ARHGEF26: variants seen among roughly 807,000 people sequenced by gnomAD.
The protein encoded by ARHGEF26 is Rho guanine nucleotide exchange factor (GEF) 26.
Under a neutral mutation model 89.4 loss-of-function variants are expected in ARHGEF26, and 59 were observed. The ratio of observed to expected loss-of-function variants is 0.66; its 90% confidence interval spans 0.54 to 0.82. ARHGEF26 has a LOEUF of 0.82. Among genes scored for constraint, ARHGEF26 ranks in the 40% least tolerant of loss-of-function variants. The pLI is 0.00. For missense variants in ARHGEF26, 1,234 were observed against 1,085.6 expected (o/e 1.14, Z -1.92); for synonymous variants, 500 against 428.4 (o/e 1.17, Z -2.06).
intron 3 of ARHGEF26, among the ~76,000 whole-genome samples, chr3:154,124,749 T>C (rs1718225576): frequency 6.6e-6 from 1 of 152,226 alleles, no homozygotes; most frequent in Non-Finnish European, 1.5e-5. Context: ...GAGCAAGATC[T>C]AGCTTTTTAG....
chr3:154,238,373 T>G (rs1010088208), intron 11 of ARHGEF26, among the ~76,000 whole-genome samples: 3 of 152,182 alleles, frequency 2.0e-5, no homozygotes, highest in Admixed American at 2.0e-4. Flanking sequence ...TTAGGCTTGA[T>G]CAGAAGGCAA....
chr3:154,252,446 A>G (rs1718215507), intron 12 of ARHGEF26, among the ~76,000 whole-genome samples: 1 of 152,204 alleles, frequency 6.6e-6, no homozygotes, highest in Non-Finnish European at 1.5e-5. Context: ...TGCATTATGT[A>G]GAGAAGTGCT....
chr3:154,250,318 C>T (rs918498975), intron 12 of ARHGEF26, among the ~76,000 whole-genome samples: 7 of 152,136 alleles, frequency 4.6e-5, no homozygotes, highest in Admixed American at 6.5e-5. Context: ...TGAGCCGCCC[C>T]GCCCGGCCTC....
intron 12 of ARHGEF26, among the ~76,000 whole-genome samples, chr3:154,252,750 A>T (rs1379091987): frequency 1.3e-5 from 2 of 152,208 alleles, no homozygotes; most frequent in East Asian, 1.9e-4. Context: ...TAGGATTTTT[A>T]AAAAATGAAA....
intron 9 of ARHGEF26, among the ~76,000 whole-genome samples, chr3:154,212,741 G>A (rs988158664): frequency 2.6e-5 from 4 of 152,078 alleles, no homozygotes; most frequent in African/African-American, 7.2e-5. Flanking sequence ...ACTCCTATGA[G>A]AATCCAGTGC....
intron 4 of ARHGEF26, among the ~76,000 whole-genome samples, chr3:154,130,587 C>G (rs1718628782): frequency 6.6e-6 from 1 of 152,202 alleles, no homozygotes; most frequent in Non-Finnish European, 1.5e-5. Context: ...CTCCTCTCTG[C>G]ATCAGACACC....
chr3:154,172,325 G>A (rs909729872), intron 6 of ARHGEF26, among the ~76,000 whole-genome samples: 14 of 152,198 alleles, frequency 9.2e-5, no homozygotes, highest in African/African-American at 3.4e-4. Context: ...TGTGGAATGT[G>A]GATGAGTCTT....
At chr3:154,255,218 C>T (rs1718421948) in intron 14 of ARHGEF26, 113 bp from the exon 15 acceptor site, 1 of 1,117,118 alleles carries the variant, frequency 9.0e-7, no homozygotes, top group African/African-American at 1.6e-5. Context: ...TTTCTCTTCT[C>T]ACCGTAGCAC....
rs756185996 is a variant in ARHGEF26, at chr3:154,257,045, A to T, written c.*1572A>T. ...ATTGGAGGACTCAAATCTGTATGTG[A>T]CATGTCCCAACTACTGTCCGCTAAC... On this transcript the variant is annotated 3_prime_UTR_variant, in exon 15 of 15. Transcript: ENST00000465093. The T allele has an allele frequency of 1.3e-5, 18 of 1,423,368 alleles. No individual in the cohort carries two copies. The highest frequency in any genetic ancestry group is 1.5e-5 in the Non-Finnish European group (16 of 1,090,136). 88.2% of individuals were successfully genotyped at this position (1,423,368 alleles called of 1,614,324 possible). A position where few individuals can be genotyped will look rare whatever the true frequency, so the allele number is the denominator to read the frequency against.
intron 4 of ARHGEF26, among the ~76,000 whole-genome samples, chr3:154,144,356 G>C (rs1377425332): frequency 6.6e-6 from 1 of 152,148 alleles, no homozygotes; most frequent in Non-Finnish European, 1.5e-5. Context: ...CTTCCTCACA[G>C]AATTGTTACA....
chr3:154,141,699 T>C (rs1719395976), intron 4 of ARHGEF26, among the ~76,000 whole-genome samples: 1 of 152,240 alleles, frequency 6.6e-6, no homozygotes, highest in Non-Finnish European at 1.5e-5. Flanking sequence ...TGAATGTGTA[T>C]GTTTGCACAT....
intron 4 of ARHGEF26, among the ~76,000 whole-genome samples, chr3:154,148,952 T>A (rs1719845375): frequency 6.6e-6 from 1 of 152,154 alleles, no homozygotes; most frequent in Non-Finnish European, 1.5e-5. Flanking sequence ...AGCCCAACCC[T>A]TAGAAATGGG....
intron 4 of ARHGEF26, among the ~76,000 whole-genome samples, chr3:154,136,519 T>G (rs1028572232): frequency 8.5e-5 from 13 of 152,146 alleles, no homozygotes; most frequent in Non-Finnish European, 1.3e-4. Flanking sequence ...ATCATTTCAT[T>G]CCATTGAAAA....
At chr3:154,121,647 T>A (rs1379423013) in intron 1 of ARHGEF26, 128 bp downstream of exon 1, 1 of 272,364 alleles carries the variant, frequency 3.7e-6, no homozygotes, top group Non-Finnish European at 6.9e-6. Flanking sequence ...GTCCCAAGTT[T>A]CTTGTGCCTC....
chr3:154,170,376 G>T (rs1712349673), intron 6 of ARHGEF26, among the ~76,000 whole-genome samples: 1 of 151,904 alleles, frequency 6.6e-6, no homozygotes, highest in Admixed American at 6.6e-5. Context: ...AAAAAGAAAA[G>T]AAAAGAAAAA....
chr3:154,169,442 C>T (rs981529538), intron 6 of ARHGEF26, among the ~76,000 whole-genome samples: 1 of 151,760 alleles, frequency 6.6e-6, no homozygotes, highest in East Asian at 1.9e-4. Context: ...TCTGCCTTTT[C>T]TTATACTATA....
chr3:154,134,616 A>G (rs771611537), intron 4 of ARHGEF26, among the ~76,000 whole-genome samples: 3 of 152,148 alleles, frequency 2.0e-5, no homozygotes, highest in African/African-American at 4.8e-5. Flanking sequence ...AACTATATTG[A>G]ATAGGAGTGG....
chr3:154,168,285 A>G (rs1712180120), intron 6 of ARHGEF26, among the ~76,000 whole-genome samples: 1 of 152,150 alleles, frequency 6.6e-6, no homozygotes, highest in Non-Finnish European at 1.5e-5. Flanking sequence ...GTGGCTTAAA[A>G]GTCCAAAGAG....
At chr3:154,152,681 A>C in intron 5 of ARHGEF26, 91 bp from the exon 6 acceptor site, 1 of 986,780 alleles carries the variant, frequency 1.0e-6, no homozygotes, top group Non-Finnish European at 1.4e-6. Context: ...AAAGTGGAGT[A>C]TCTTGTTATT....
Sources: allele counts gnomAD v4.1 joint callset (sites outside exome capture counted in the v4.1 genomes callset), GRCh38; gene constraint gnomAD v4.1.1; transcripts MANE v1.5; gene names NCBI Gene and HGNC (gene_info 2026-07-23, HGNC 2026-07-21).